Variants in TEX11 observed in about 807,000 individuals in gnomAD.
TEX11 encodes the protein testis expressed 11.
Under a neutral mutation model 84.4 loss-of-function variants are expected in TEX11, and 7 were observed. The observed-to-expected ratio is 0.08, with a 90% CI of 0.05 to 0.16. The LOEUF (loss-of-function observed/expected upper bound fraction) is 0.16, where lower values mean the gene tolerates loss of function less well. Among genes scored for constraint, TEX11 ranks in the 10% least tolerant of loss-of-function variants. The probability of loss-of-function intolerance (pLI) is 1.00; values close to 1 mark genes in which losing one functional copy is unlikely to be tolerated. For synonymous variants in TEX11, 264 were observed against 222.8 expected (o/e 1.18, Z -1.64); for missense variants, 551 against 660.5 (o/e 0.83, Z 1.82).
At chrX:70,732,311 AG>A (rs1264710004) in intron 11 of TEX11, among the ~76,000 whole-genome samples, 1 of 111,254 alleles carries the variant, frequency 9.0e-6, no homozygotes, top group African/African-American at 3.3e-5. Flanking sequence ...CGGGGCAATC[AG>A]GCAGAAGGAA....
intron 25 of TEX11, among the ~76,000 whole-genome samples, chrX:70,558,063 C>T (rs1175908047): frequency 9.0e-6 from 1 of 111,461 alleles, no homozygotes; most frequent in Admixed American, 9.6e-5. Flanking sequence ...AGGAGAATTG[C>T]TTGAACCAAG....
chrX:70,670,651 T>G, intron 15 of TEX11, 137 bp from the exon 16 acceptor site: 1 of 660,457 alleles, frequency 1.5e-6, no homozygotes, highest in Non-Finnish European at 2.2e-6. Context: ...TATATAGGGT[T>G]CTAAGTGCAT....
At chrX:70,519,425 A>G in the TEX11 span, among the ~76,000 whole-genome samples, 4 of 112,203 alleles carry the variant, frequency 3.6e-5, no homozygotes, top group Non-Finnish European at 7.5e-5. Flanking sequence ...TTCTTCAAGA[A>G]TGTTGAATAT....
intron 18 of TEX11, among the ~76,000 whole-genome samples, chrX:70,628,911 A>AG (rs781043858): frequency 2.0e-4 from 22 of 112,717 alleles, no homozygotes; most frequent in Non-Finnish European, 3.4e-4. Flanking sequence ...AGTTCTGATC[A>AG]GGAAGATGGT....
chrX:70,672,024 A>C (rs2090029824), intron 15 of TEX11, among the ~76,000 whole-genome samples: 1 of 107,097 alleles, frequency 9.3e-6, no homozygotes, highest in Admixed American at 1.0e-4. Flanking sequence ...TCATACCCCA[A>C]GCAGTTATGG....
At chrX:70,518,671 A>G in the TEX11 span, among the ~76,000 whole-genome samples, 1 of 111,283 alleles carries the variant, frequency 9.0e-6, no homozygotes, top group Admixed American at 9.6e-5. Flanking sequence ...CAAGTCCTGG[A>G]TATCCTTGTT....
chrX:70,581,294 CTTTTTTTTTTTT>C (rs35102694), intron 25 of TEX11, among the ~76,000 whole-genome samples: 1 of 43,631 alleles, frequency 2.3e-5, no homozygotes, highest in East Asian at 7.9e-4. Context: ...TATACTGTTG[CTTTTTTTTTTTT>C]TTTTTTTTTT....
At chrX:70,703,071 T>C (rs1329436994) in intron 13 of TEX11, among the ~76,000 whole-genome samples, 8 of 111,204 alleles carry the variant, frequency 7.2e-5, no homozygotes, top group Non-Finnish European at 1.5e-4. Flanking sequence ...GTAGGTACTT[T>C]GATATCTCTA....
chrX:70,601,632 G>A (rs1452327336), intron 24 of TEX11, among the ~76,000 whole-genome samples: 1 of 95,735 alleles, frequency 1.0e-5, no homozygotes, highest in Non-Finnish European at 2.1e-5. Context: ...AAGGTCAGCA[G>A]ATAAACAAGT....
At chrX:70,753,300 G>A in intron 9 of TEX11, among the ~76,000 whole-genome samples, 1 of 110,846 alleles carries the variant, frequency 9.0e-6, no homozygotes, top group Non-Finnish European at 1.9e-5. Flanking sequence ...CTAACCCCAG[G>A]CTGCACAGCT....
intron 28 of TEX11, among the ~76,000 whole-genome samples, chrX:70,548,659 G>A (rs921768083): frequency 1.8e-5 from 2 of 111,483 alleles, no homozygotes; most frequent in Non-Finnish European, 3.8e-5. Context: ...CCCTGTCACA[G>A]CAGAAAGTAA....
At chrX:70,615,236 A>C (rs2089305494) in intron 20 of TEX11, among the ~76,000 whole-genome samples, 1 of 111,956 alleles carries the variant, frequency 8.9e-6, no homozygotes, top group Non-Finnish European at 1.9e-5. Flanking sequence ...AAACAGAGGT[A>C]TGTGACCATT....
intron 9 of TEX11, among the ~76,000 whole-genome samples, chrX:70,754,157 C>T (rs1470682759): frequency 1.8e-5 from 2 of 111,362 alleles, no homozygotes; most frequent in East Asian, 2.8e-4. Flanking sequence ...TCCCCAATTC[C>T]AGGATTGGCT....
chrX:70,788,685 AACACACACACACACACACACACACAC>A (rs753573687), intron 9 of TEX11, among the ~76,000 whole-genome samples: 10 of 69,461 alleles, frequency 1.4e-4, no homozygotes, highest in Non-Finnish European at 2.6e-4. Context: ...TCTCTTGGGA[AACACACACACACACACACACACACAC>A]ACACACACAC....
At chrX:70,905,189 G>A (rs1189454512) in intron 2 of TEX11, among the ~76,000 whole-genome samples, 2 of 111,745 alleles carry the variant, frequency 1.8e-5, no homozygotes, top group South Asian at 3.8e-4. Context: ...CAGGCGTGGC[G>A]GCATGCACCT....
intron 25 of TEX11, among the ~76,000 whole-genome samples, chrX:70,590,515 G>C (rs1221271440): frequency 9.0e-6 from 1 of 110,895 alleles, no homozygotes; most frequent in Non-Finnish European, 1.9e-5. Flanking sequence ...GTTCAAAAGA[G>C]AAAAATATGA....
intron 24 of TEX11, among the ~76,000 whole-genome samples, chrX:70,599,128 G>A (rs2089052182): frequency 9.0e-6 from 1 of 110,827 alleles, no homozygotes; most frequent in South Asian, 3.8e-4. Flanking sequence ...AGGCCAGACA[G>A]TAAATATTTT....
At chrX:70,806,503 G>T (rs756535039) in intron 9 of TEX11, among the ~76,000 whole-genome samples, 54 of 109,432 alleles carry the variant, frequency 4.9e-4, no homozygotes, top group Admixed American at 3.1e-3. Flanking sequence ...AAAGAATGAA[G>T]GAAGGAAGGA....
At chrX:70,626,868 A>G (rs760553744) in intron 18 of TEX11, among the ~76,000 whole-genome samples, 17 of 112,165 alleles carry the variant, frequency 1.5e-4, no homozygotes, top group Non-Finnish European at 2.6e-4. Context: ...TCAACTCCCT[A>G]ATACCTCCTC....
Sources: allele counts gnomAD v4.1 joint callset (sites outside exome capture counted in the v4.1 genomes callset), GRCh38; gene constraint gnomAD v4.1.1; transcripts MANE v1.5; gene names NCBI Gene and HGNC (gene_info 2026-07-23, HGNC 2026-07-21).